Variants in NOL7 observed in about 807,000 individuals in gnomAD.
The protein encoded by NOL7 is U3 small nucleolar RNA-associated protein NOL7.
Under a neutral mutation model 38.4 loss-of-function variants are expected in NOL7, and 36 were observed. The ratio of observed to expected loss-of-function variants is 0.94; its 90% CI spans 0.72 to 1.24. The LOEUF (loss-of-function observed/expected upper bound fraction) is 1.24, where lower values mean the gene tolerates loss of function less well. Among genes scored for constraint, NOL7 ranks in the 50% most tolerant of loss-of-function variants. The probability of loss-of-function intolerance (pLI) is 0.00; values close to 1 mark genes in which losing one functional copy is unlikely to be tolerated. For synonymous variants in NOL7, 142 were observed against 126.5 expected (o/e 1.12, Z -0.82); for missense variants, 350 against 315.1 (o/e 1.11, Z -0.84).
In NOL7 at chr6:13,615,692, C is replaced by T. The variant is rs772206754; in HGVS notation, c.267-20C>T. 16 of 1,614,202 alleles carry T rather than the reference C, an allele frequency of 9.9e-6. No homozygotes were observed. The East Asian group carries it at 2.7e-4, about 27-fold the overall frequency. On this transcript the variant is annotated intron_variant, in intron 1 of 7. Transcript: ENST00000451315. Reference sequence around the variant, plus strand: ...TCCCGCTTGTCCTTCCCTTTGCTGACTTATCACCCTTCCTCCCAGGGATAA... The same window carrying T: ...TCCCGCTTGTCCTTCCCTTTGCTGATTTATCACCCTTCCTCCCAGGGATAA...
downstream of NOL7, among the ~76,000 whole-genome samples, chr6:13,624,313 C>T (rs1764538910): frequency 6.6e-6 from 1 of 152,114 alleles, no homozygotes; most frequent in Admixed American, 6.5e-5. Context: ...GAGTCCTGGC[C>T]CTCATTGCAA....
At chr6:13,630,928 GCCT>G (rs2127760891) in intron 8 of NOL7, among the ~76,000 whole-genome samples, 1 of 151,966 alleles carries the variant, frequency 6.6e-6, no homozygotes, top group East Asian at 1.9e-4. Flanking sequence ...TCCTGCCTCA[GCCT>G]CCTGAGTAGC....
intron 8 of NOL7, among the ~76,000 whole-genome samples, chr6:13,631,097 C>T (rs974475061): frequency 7.2e-5 from 11 of 152,212 alleles, no homozygotes; most frequent in East Asian, 3.9e-4. Flanking sequence ...TGTGAGCCAC[C>T]GCGCCCGGCC....
chr6:13,629,895 GTCTC>G (rs35437953), intron 8 of NOL7, among the ~76,000 whole-genome samples: 1,624 of 143,864 alleles, frequency 0.011, 15 homozygotes, highest in African/African-American at 0.016. Context: ...TCATGTCTCT[GTCTC>G]TCTCTCTCTC....
At position 13,627,660 on chromosome 6, in the gene NOL7, T is replaced by G. The variant is rs573832745; in HGVS notation, n.574-4733T>G. Among the ~76,000 whole-genome samples, 4 of 144,452 alleles carry G rather than the reference T, an allele frequency of 2.8e-5. 1 individual carries two copies. In the South Asian group the frequency reaches 7.1e-4, roughly 26 times the overall value. 94.8% of individuals were successfully genotyped at this position (144,452 alleles called of 152,430 possible). A position where few individuals can be genotyped will look rare whatever the true frequency, so the allele number is the denominator to read the frequency against. ...AAAAAAAAAAAAAAAAAAAATCACG[T>G]TATTTTTAAGGACTGAGCTTTGCTC... On this transcript the variant is annotated intron_variant and non_coding_transcript_variant, in intron 8 of 8. Coordinates refer to the NOL7 transcript ENST00000474485.
intron 8 of NOL7, among the ~76,000 whole-genome samples, chr6:13,628,899 A>G (rs984396489): frequency 1.1e-4 from 16 of 152,246 alleles, no homozygotes; most frequent in African/African-American, 3.9e-4. Flanking sequence ...GGTTTCTGAA[A>G]ACCAGTATAG....
At chr6:13,626,069 A>G (rs1210181529), downstream of NOL7, among the ~76,000 whole-genome samples, 1 of 152,168 alleles carries the variant, frequency 6.6e-6, no homozygotes, top group African/African-American at 2.4e-5. Context: ...GGAGAGTGGA[A>G]GGCAAAACAT....
chr6:13,627,630 C>CAAAAAAAAAA (rs35401168), intron 8 of NOL7, among the ~76,000 whole-genome samples: 1 of 66,408 alleles, frequency 1.5e-5, no homozygotes, highest in African/African-American at 5.9e-5. Context: ...ACTCCATCTC[C>CAAAAAAAAAA]AAAAAAAAAA....
downstream of NOL7, among the ~76,000 whole-genome samples, chr6:13,626,353 TG>T (rs1297839981): frequency 6.6e-6 from 1 of 152,242 alleles, no homozygotes; most frequent in Non-Finnish European, 1.5e-5. Flanking sequence ...TTATATTTTT[TG>T]TCTTCTTTCT....
downstream of NOL7, chr6:13,622,393 G>A: frequency 1.3e-6 from 2 of 1,599,774 alleles, no homozygotes; most frequent in East Asian, 2.3e-5. Flanking sequence ...TGTGGCAAAT[G>A]CGCAGGATCC....
At chr6:13,631,537 T>C (rs1764781291) in intron 8 of NOL7, among the ~76,000 whole-genome samples, 1 of 152,216 alleles carries the variant, frequency 6.6e-6, no homozygotes, top group Non-Finnish European at 1.5e-5. Context: ...ATACTCAACC[T>C]GTACTAACTT....
intron 8 of NOL7, among the ~76,000 whole-genome samples, chr6:13,627,604 T>C (rs976395781): frequency 4.0e-5 from 5 of 124,504 alleles, no homozygotes; most frequent in Non-Finnish European, 7.8e-5. Context: ...CACTCCAGCA[T>C]GGACGACAGA....
intron 8 of NOL7, chr6:13,632,249 A>C: frequency 1.2e-6 from 1 of 836,716 alleles, no homozygotes; most frequent in South Asian, 1.9e-5. Flanking sequence ...GCAAGGAGCC[A>C]GGGGGAAGGT....
At chr6:13,620,665 T>C in intron 7 of NOL7, 89 bp from the exon 8 acceptor site, 1 of 1,001,214 alleles carries the variant, frequency 1.0e-6, no homozygotes, top group Non-Finnish European at 1.5e-6. Flanking sequence ...GCCCACCCAG[T>C]TTTAGTAATT....
At chr6:13,621,730 AGTT>A (rs1764452434), downstream of NOL7, 1 of 152,684 alleles carries the variant, frequency 6.5e-6, no homozygotes, top group Admixed American at 6.5e-5. Flanking sequence ...AGTCATCTGT[AGTT>A]AAACAGGAAA....
chr6:13,615,507 AG>A lies in NOL7; in HGVS notation c.151del (p.Glu51LysfsTer17). Reference sequence around the variant, plus strand: ...AGCGGCGCGGCCGCCGAGCCCCTGGAGGAAGACGAGGAAGGGGACGATGAGT... The same window carrying A: ...AGCGGCGCGGCCGCCGAGCCCCTGGAGAAGACGAGGAAGGGGACGATGAGT... ...PSSGAAAEPL[E>X]EDEEGDDEFD... On this transcript the variant is annotated frameshift_variant, in exon 1 of 8. Transcript: ENST00000451315. LOFTEE classifies it high-confidence loss of function. 6.4e-7 allele frequency: 1 copy of A among 1,554,436 alleles called. No homozygotes were observed. Among genetic ancestry groups the A allele is most frequent in the Non-Finnish European group, 8.7e-7 (1 of 1,148,772 alleles).
chr6:13,622,614 A>G (rs1014000485), downstream of NOL7: 5 of 1,069,140 alleles, frequency 4.7e-6, no homozygotes, highest in Non-Finnish European at 6.3e-6. Flanking sequence ...CTGAAATATC[A>G]GCAAATGAAG....
chr6:13,617,943 C>A, intron 4 of NOL7, 115 bp from the exon 5 acceptor site: 1 of 989,526 alleles, frequency 1.0e-6, no homozygotes, highest in South Asian at 1.4e-5. Flanking sequence ...GTATTTCATA[C>A]AAATAAAAAC....
chr6:13,631,542 T>C lies in NOL7; in HGVS notation n.574-851T>C, dbSNP rs562096813. 2.6e-5 allele frequency among the ~76,000 whole-genome samples: 4 copies of C among 152,346 alleles called. No individual in the cohort carries two copies. In the East Asian group the frequency reaches 5.8e-4, roughly 22 times the overall value. On this transcript the variant is annotated intron_variant and non_coding_transcript_variant, in intron 8 of 8. Coordinates refer to the NOL7 transcript ENST00000474485. ...CGGACTAGGGATACTCAACCTGTAC[T>C]AACTTTCAGTCCAGGTCAGGAAGAA... is the stretch of plus-strand genomic sequence containing the variant.
Sources: allele counts gnomAD v4.1 joint callset (sites outside exome capture counted in the v4.1 genomes callset), GRCh38; gene constraint gnomAD v4.1.1; transcripts MANE v1.5; gene names NCBI Gene and HGNC (gene_info 2026-07-23, HGNC 2026-07-21).